Variants in AR observed in about 807,000 individuals in gnomAD.
AR encodes dihydrotestosterone receptor.
In AR, 8 loss-of-function variants were observed where a neutral mutation model predicts 53.9. The observed-to-expected ratio is 0.15, with a 90% CI of 0.09 to 0.27. AR has a LOEUF of 0.27. Among genes scored for constraint, AR ranks in the 10% least tolerant of loss-of-function variants. AR has a pLI of 1.00. For missense variants in AR, 639 were observed against 742.5 expected, an observed-to-expected ratio of 0.86 and a Z score of 1.62; for synonymous variants, 359 against 316.4, an observed-to-expected ratio of 1.13 and a Z score of -1.43.
chrX:67,634,275 G>C lies in AR; in HGVS notation c.1617-8981G>C, dbSNP rs55686603. On this transcript the variant is annotated intron_variant, in intron 1 of 7. Transcript: ENST00000374690. ...AGAGGTAATGATACCTACCTCAGTG[G>C]TACCTTTTCAAAACCTTGTTCTTCC... is the stretch of plus-strand genomic sequence containing the variant. 4.5e-3 allele frequency among the ~76,000 whole-genome samples: 495 copies of C among 111,133 alleles called. 2 individuals are homozygous for C. Among genetic ancestry groups the C allele is most frequent in the Non-Finnish European group, 7.2e-3 (379 of 52,913 alleles).
At chrX:67,685,660 G>A in intron 2 of AR, among the ~76,000 whole-genome samples, 1 of 111,311 alleles carries the variant, frequency 9.0e-6, no homozygotes, top group Admixed American at 9.6e-5. Context: ...ATGCTAAAGG[G>A]GTGACAAGTT....
At chrX:67,660,462 A>G (rs1435963798) in intron 2 of AR, among the ~76,000 whole-genome samples, 1 of 111,836 alleles carries the variant, frequency 8.9e-6, no homozygotes, top group African/African-American at 3.3e-5. Context: ...ACCATTTATT[A>G]AATAGGGAAT....
chrX:67,663,351 C>T (rs762835250), intron 2 of AR, among the ~76,000 whole-genome samples: 1 of 111,985 alleles, frequency 8.9e-6, no homozygotes, highest in Non-Finnish European at 1.9e-5. Flanking sequence ...ATTTGCTTGT[C>T]TGTAAAGGAT....
intron 1 of AR, among the ~76,000 whole-genome samples, chrX:67,572,823 T>A (rs1260105930): frequency 8.9e-6 from 1 of 111,928 alleles, no homozygotes; most frequent in African/African-American, 3.2e-5. Flanking sequence ...TAGTTACATA[T>A]ACAAGTCAGC....
intron 3 of AR, among the ~76,000 whole-genome samples, chrX:67,693,625 CGTT>C (rs899188501): frequency 4.5e-5 from 5 of 111,686 alleles, no homozygotes; most frequent in Non-Finnish European, 7.5e-5. Context: ...TTTGGGATCA[CGTT>C]GTTAAGAAGT....
At chrX:67,550,203 T>C (rs1392682599) in intron 1 of AR, among the ~76,000 whole-genome samples, 1 of 111,920 alleles carries the variant, frequency 8.9e-6, no homozygotes, top group Non-Finnish European at 1.9e-5. Flanking sequence ...TGGTGAGAGA[T>C]ATTTTCAAAG....
At chrX:67,594,785 T>C (rs1438566225) in intron 1 of AR, among the ~76,000 whole-genome samples, 1 of 111,193 alleles carries the variant, frequency 9.0e-6, no homozygotes, top group East Asian at 2.8e-4. Flanking sequence ...CTGTCTCTAC[T>C]AAAAATACAA....
At chrX:67,594,411 T>C (rs1209436903) in intron 1 of AR, among the ~76,000 whole-genome samples, 1 of 112,342 alleles carries the variant, frequency 8.9e-6, no homozygotes, top group Non-Finnish European at 1.9e-5. Flanking sequence ...CCCCCCTTTA[T>C]AATATTTGTA....
intron 1 of AR, among the ~76,000 whole-genome samples, chrX:67,573,861 T>C (rs1481015918): frequency 8.9e-6 from 1 of 112,165 alleles, no homozygotes; most frequent in Non-Finnish European, 1.9e-5. Flanking sequence ...TTACAAATAA[T>C]TAGAAGTAGA....
rs2147320995 is a variant in AR at position 67,546,403 on chromosome X, A to G, written c.1257A>G (p.Ala419=). The G allele has an allele frequency of 8.4e-7, 1 of 1,184,966 alleles. No individual in the cohort carries two copies. Among genetic ancestry groups the G allele is most frequent in the Non-Finnish European group, 1.1e-6 (1 of 882,818 alleles). ...GDLASLHGAG[A]AGPGSGSPSA... Reference sequence around the variant, plus strand: ...TGGCGAGCCTGCATGGCGCGGGTGCAGCGGGACCCGGTTCTGGGTCACCCT... The same window carrying G: ...TGGCGAGCCTGCATGGCGCGGGTGCGGCGGGACCCGGTTCTGGGTCACCCT... Residue 419 remains alanine, a synonymous_variant, in exon 1 of 8, where the codon GCA becomes GCG. Transcript: ENST00000374690.
chrX:67,562,352 GTA>G (rs1921362705), intron 1 of AR, among the ~76,000 whole-genome samples: 4 of 100,111 alleles, frequency 4.0e-5, no homozygotes, highest in African/African-American at 8.1e-5. Context: ...TCTATATGGT[GTA>G]TATGTGTGTG....
Position 67,723,924 on chromosome X carries a change from CT to C in AR, c.*84del. Reference sequence around the variant, plus strand: ...CCTGTTATAACTCTGCACTACTCCTCTGCAGTGCCTTGGGGAATTTCCTCTA... The same window carrying C: ...CCTGTTATAACTCTGCACTACTCCTCGCAGTGCCTTGGGGAATTTCCTCTA... On this transcript the variant is annotated 3_prime_UTR_variant, in exon 8 of 8. Coordinates refer to ENST00000374690, the MANE Select transcript of AR (RefSeq NM_000044.6). The C allele has an allele frequency of 9.0e-7, 1 of 1,107,952 alleles. No individual in the cohort carries two copies. Among genetic ancestry groups the C allele is most frequent in the East Asian group, 3.0e-5 (1 of 33,256 alleles). The allele number at this position is 1,107,952 out of a possible 1,213,427, so 91.3% of individuals were successfully genotyped here.
intron 1 of AR, among the ~76,000 whole-genome samples, chrX:67,549,297 A>G (rs1479799377): frequency 8.9e-6 from 1 of 111,800 alleles, no homozygotes; most frequent in Non-Finnish European, 1.9e-5. Flanking sequence ...GCAGGCTTCC[A>G]ATGACCTGTT....
intron 3 of AR, among the ~76,000 whole-genome samples, chrX:67,703,579 C>A (rs1410570411): frequency 8.9e-6 from 1 of 111,773 alleles, no homozygotes; most frequent in Non-Finnish European, 1.9e-5. Context: ...GGACTTCAGC[C>A]TTTCACCGCT....
intron 1 of AR, among the ~76,000 whole-genome samples, chrX:67,586,842 TC>T (rs1446917554): frequency 8.9e-6 from 1 of 111,771 alleles, no homozygotes; most frequent in African/African-American, 3.3e-5. Context: ...CTGTATTGCT[TC>T]TATTTAAGAC....
intron 1 of AR, among the ~76,000 whole-genome samples, chrX:67,620,478 G>C (rs991241227): frequency 8.2e-5 from 9 of 109,839 alleles, no homozygotes; most frequent in Admixed American, 5.9e-4. Flanking sequence ...CATTTATTTT[G>C]AGTGTGCCAG....
At chrX:67,617,201 T>C (rs1924164476) in intron 1 of AR, among the ~76,000 whole-genome samples, 2 of 111,573 alleles carry the variant, frequency 1.8e-5, no homozygotes, top group Non-Finnish European at 3.8e-5. Context: ...GATAGGGATA[T>C]TGAGACGATT....
chrX:67,664,918 G>A (rs764652218), intron 2 of AR, among the ~76,000 whole-genome samples: 1 of 112,872 alleles, frequency 8.9e-6, no homozygotes, highest in South Asian at 3.6e-4. Context: ...TCTGAGCCAG[G>A]CACAGGATAT....
chrX:67,638,790 G>T (rs994099119), intron 1 of AR, among the ~76,000 whole-genome samples: 21 of 112,045 alleles, frequency 1.9e-4, no homozygotes, highest in African/African-American at 6.8e-4. Flanking sequence ...TGTTCACTCT[G>T]ATGATCGTTT....
Sources: allele counts gnomAD v4.1 joint callset (sites outside exome capture counted in the v4.1 genomes callset), GRCh38; gene constraint gnomAD v4.1.1; transcripts MANE v1.5; gene names NCBI Gene and HGNC (gene_info 2026-07-23, HGNC 2026-07-21).